TMEM178B: variants seen among roughly 807,000 people sequenced by gnomAD.
The protein encoded by TMEM178B is transmembrane protein 178B.
TMEM178B carries 5 observed loss-of-function variants against 31.0 expected under a neutral mutation model. That is an observed-to-expected ratio of 0.16 (90% CI 0.08 to 0.34). TMEM178B has a LOEUF of 0.34. TMEM178B is among the 10% of genes least tolerant of loss of function. TMEM178B has a pLI of 1.00. For missense variants in TMEM178B, 275 were observed against 400.3 expected (o/e 0.69, Z 2.67); for synonymous variants, 164 against 164.0 (o/e 1.00, Z 0.00).
At chr7:141,276,087 A>G (rs367901108) in intron 2 of TMEM178B, among the ~76,000 whole-genome samples, 23 of 152,264 alleles carry the variant, frequency 1.5e-4, no homozygotes, top group African/African-American at 5.1e-4. Flanking sequence ...GTTTTTCCTG[A>G]GTATTAGAAA....
chr7:141,484,610 G>A (rs1802527083), downstream of TMEM178B, among the ~76,000 whole-genome samples: 1 of 152,158 alleles, frequency 6.6e-6, no homozygotes, highest in Non-Finnish European at 1.5e-5. This position sits in a 1 kb window ranked among gnomAD's most constrained non-coding sequence, Gnocchi z 4.8. Flanking sequence ...CACCCAGGCT[G>A]GAGTGCTGTG....
chr7:141,503,050 C>T, the TMEM178B span, among the ~76,000 whole-genome samples: 1 of 152,186 alleles, frequency 6.6e-6, no homozygotes, highest in Admixed American at 6.5e-5. Context: ...CCCTCATCCA[C>T]CCAGCTCTTC....
intron 2 of TMEM178B, among the ~76,000 whole-genome samples, chr7:141,285,672 T>C (rs553691339): frequency 1.0e-3 from 157 of 152,188 alleles, no homozygotes; most frequent in Non-Finnish European, 1.7e-3. Flanking sequence ...CTATTCACAA[T>C]AGCAAAGAGT....
intron 2 of TMEM178B, among the ~76,000 whole-genome samples, chr7:141,334,582 G>A (rs1288755549): frequency 1.3e-5 from 2 of 152,174 alleles, no homozygotes; most frequent in Non-Finnish European, 2.9e-5. Context: ...GGAACAGGGG[G>A]GAAAAGCTGT....
intron 2 of TMEM178B, among the ~76,000 whole-genome samples, chr7:141,365,917 G>C (rs1443393282): frequency 6.6e-6 from 1 of 152,148 alleles, no homozygotes; most frequent in African/African-American, 2.4e-5. Flanking sequence ...CTTTTTTGGG[G>C]ATACAATTCA....
At chr7:141,229,647 G>C (rs183305142) in intron 2 of TMEM178B, among the ~76,000 whole-genome samples, 1 of 152,116 alleles carries the variant, frequency 6.6e-6, no homozygotes, top group African/African-American at 2.4e-5. Context: ...TACAGGCTGG[G>C]CATGATGTTT....
In TMEM178B at chr7:141,478,116, A is replaced by G. The variant is rs1802407615; in HGVS notation, c.*7330A>G. 6.5e-6 allele frequency: 1 copy of G among 153,200 alleles called. No individual in the cohort carries two copies. Among genetic ancestry groups the G allele is most frequent in the Non-Finnish European group, 1.5e-5 (1 of 68,498 alleles). The allele number at this position is 153,200 out of a possible 1,614,324, so 9.5% of individuals were successfully genotyped here. A position where few individuals can be genotyped will look rare whatever the true frequency, so the allele number is the denominator to read the frequency against. On this transcript the variant is annotated 3_prime_UTR_variant, in exon 4 of 4. Coordinates refer to ENST00000565468, the MANE Select transcript of TMEM178B (RefSeq NM_001195278.2). ...GGGTTGCTACCAAATAAGACTGAAG[A>G]TGGTGGAGGCAGTGGTGGCGTGGAG...
intron 2 of TMEM178B, among the ~76,000 whole-genome samples, chr7:141,278,169 A>G (rs909045452): frequency 1.3e-5 from 2 of 152,244 alleles, no homozygotes; most frequent in African/African-American, 4.8e-5. Flanking sequence ...GAAAGGAAAT[A>G]TACACAATCT....
chr7:141,223,425 G>A (rs1413115911), intron 2 of TMEM178B, among the ~76,000 whole-genome samples: 2 of 151,642 alleles, frequency 1.3e-5, no homozygotes, highest in Non-Finnish European at 2.9e-5. Flanking sequence ...ATTCTGAGAG[G>A]AGAACCCCTT....
Position 141,074,624 on chromosome 7 carries a change from A to T in TMEM178B, c.314A>T (p.Asn105Ile). ...TGCAGCCGGCAGTACAACTCCACCA[A>T]CATGGGCCTCTGGAGGAAGTGCCAC... ...DECSRQYNST[N>I]MGLWRKCHRQ... The change falls in exon 1 of 4, where the codon AAC (asparagine) becomes ATC (isoleucine). Residue 105 changes from asparagine to isoleucine, a missense_variant. Asn to Ile is a moderately radical substitution (Grantham distance 149). Transcript: ENST00000565468. This position sits in a 1 kb window ranked among gnomAD's most constrained non-coding sequence, Gnocchi z 5.1. 1 of 1,533,192 alleles carries T rather than the reference A, an allele frequency of 6.5e-7. No individual in the cohort carries two copies. Among genetic ancestry groups the T allele is most frequent in the Non-Finnish European group, 8.7e-7 (1 of 1,144,736 alleles). 95.0% of individuals were successfully genotyped at this position (1,533,192 alleles called of 1,614,324 possible).
chr7:141,505,070 CTAGTACTAGTT>C, the TMEM178B span, among the ~76,000 whole-genome samples: 1 of 152,172 alleles, frequency 6.6e-6, no homozygotes, highest in Admixed American at 6.5e-5. Flanking sequence ...TTATGTTCTG[CTAGTACTAGTT>C]TATGCTGATC....
At chr7:141,466,612 T>C (rs1243837228) in intron 3 of TMEM178B, among the ~76,000 whole-genome samples, 3 of 152,176 alleles carry the variant, frequency 2.0e-5, no homozygotes, top group Non-Finnish European at 4.4e-5. Context: ...TTAAGTATCC[T>C]CTGTAGAAAC....
chr7:141,331,175 A>G (rs58322305), intron 2 of TMEM178B, among the ~76,000 whole-genome samples: 14,332 of 152,236 alleles, frequency 0.094, 1,461 homozygotes, highest in African/African-American at 0.26. Context: ...TCAATGTGAG[A>G]TGGGGACTGG....
chr7:141,288,803 C>A (rs746095227), intron 2 of TMEM178B, among the ~76,000 whole-genome samples: 8 of 152,204 alleles, frequency 5.3e-5, no homozygotes, highest in African/African-American at 9.6e-5. Flanking sequence ...GACTGCATTT[C>A]TTGGCTTGTT....
At chr7:141,204,524 T>C (rs1248287446) in intron 1 of TMEM178B, among the ~76,000 whole-genome samples, 5 of 152,266 alleles carry the variant, frequency 3.3e-5, no homozygotes, top group Admixed American at 2.6e-4. Context: ...GGAGGGGATG[T>C]GGCACAGGAC....
intron 2 of TMEM178B, among the ~76,000 whole-genome samples, chr7:141,374,543 T>C (rs1046813817): frequency 3.9e-5 from 6 of 152,158 alleles, no homozygotes; most frequent in Non-Finnish European, 8.8e-5. Context: ...AGAGGTAGAC[T>C]TGGAGTGAGA....
chr7:141,446,105 T>G (rs1260669542), intron 3 of TMEM178B, among the ~76,000 whole-genome samples: 1 of 152,128 alleles, frequency 6.6e-6, no homozygotes, highest in South Asian at 2.1e-4. Flanking sequence ...GGAAATAACA[T>G]CCGGGTTTAC....
intron 2 of TMEM178B, among the ~76,000 whole-genome samples, chr7:141,360,451 C>A (rs1321754512): frequency 6.6e-6 from 1 of 152,204 alleles, no homozygotes; most frequent in Admixed American, 6.5e-5. Flanking sequence ...GATTTTGATT[C>A]CAAATCTAAG....
At chr7:141,301,189 G>T (rs1798718848) in intron 2 of TMEM178B, among the ~76,000 whole-genome samples, 1 of 152,218 alleles carries the variant, frequency 6.6e-6, no homozygotes, top group African/African-American at 2.4e-5. Context: ...AGTATTTGGA[G>T]GAAATTGGGA....
Sources: allele counts gnomAD v4.1 joint callset (sites outside exome capture counted in the v4.1 genomes callset), GRCh38; gene constraint gnomAD v4.1.1; non-coding constraint Gnocchi (gnomAD v3.1); transcripts MANE v1.5; gene names NCBI Gene and HGNC (gene_info 2026-07-23, HGNC 2026-07-21).